GMDS: variants seen among roughly 807,000 people sequenced by gnomAD.
The protein encoded by GMDS is GDP-mannose 4,6 dehydratase.
A neutral mutation model predicts 49.9 loss-of-function variants in GMDS; 20 were observed. The observed-to-expected ratio is 0.40, with a 90% CI of 0.28 to 0.58. The LOEUF (loss-of-function observed/expected upper bound fraction) is 0.58, where lower values mean the gene tolerates loss of function less well. GMDS is among the 20% of genes least tolerant of loss of function. The pLI is 0.42. For synonymous variants in GMDS, 177 were observed against 178.6 expected (o/e 0.99, Z 0.07); for missense variants, 362 against 481.4 (o/e 0.75, Z 2.32).
intron 7 of GMDS, among the ~76,000 whole-genome samples, chr6:1,911,536 C>T (rs536001339): frequency 6.5e-4 from 98 of 150,960 alleles, no homozygotes; most frequent in Non-Finnish European, 1.2e-3. Context: ...TTTCCTTGTG[C>T]CTGTTCTTTC....
chr6:2,124,674 T>TTGAGTCACCCAC lies in GMDS; in HGVS notation c.147+1_147+12dup. 4.3e-6 allele frequency: 7 copies of TTGAGTCACCCAC among 1,610,838 alleles called. No homozygotes were observed. Among genetic ancestry groups the TTGAGTCACCCAC allele is most frequent in the Non-Finnish European group, 5.9e-6 (7 of 1,177,138 alleles). ...CCCACCAGCCTGCGCCCGCTTCCCA[T>TTGAGTCACCCAC]TGAGTCACCCACCTCATAGCCTTTC... On this transcript the variant is annotated intron_variant, in intron 2 of 10. Coordinates refer to ENST00000380815, the MANE Select transcript of GMDS (RefSeq NM_001500.4).
At chr6:1,688,807 T>TCCTCA (rs1765073008) in intron 9 of GMDS, among the ~76,000 whole-genome samples, 2 of 152,372 alleles carry the variant, frequency 1.3e-5, no homozygotes, top group Middle Eastern at 3.4e-3. Context: ...CTTTTCCAAT[T>TCCTCA]GACAGCATCT....
intron 7 of GMDS, among the ~76,000 whole-genome samples, chr6:1,767,003 G>C (rs1232675872): frequency 6.6e-6 from 1 of 152,116 alleles, no homozygotes; most frequent in Non-Finnish European, 1.5e-5. Flanking sequence ...ACAGCTGTAG[G>C]GCACACTGAA....
intron 7 of GMDS, among the ~76,000 whole-genome samples, chr6:1,746,005 G>A (rs1204215598): frequency 1.3e-5 from 2 of 152,172 alleles, no homozygotes; most frequent in East Asian, 1.9e-4. Flanking sequence ...GCAGCCATCC[G>A]CCTCCTTATA....
In GMDS at chr6:1,624,636, T is replaced by C. The variant is rs1762789411; in HGVS notation, c.988-96A>G. On this transcript the variant is annotated intron_variant, in intron 9 of 10. Transcript: ENST00000380815. Reference sequence around the variant, plus strand: ...GGAACTCCCACCGTTCCGCTCCCTCTGGGCGCACAAGGCTCCGGGTTTCCC... The same window carrying C: ...GGAACTCCCACCGTTCCGCTCCCTCCGGGCGCACAAGGCTCCGGGTTTCCC... The C allele has an allele frequency of 4.8e-6, 4 of 828,144 alleles. No homozygotes were observed. In the South Asian group the frequency reaches 6.0e-5, roughly 12 times the overall value. The allele number at this position is 828,144 out of a possible 1,614,324, so 51.3% of individuals were successfully genotyped here.
intron 1 of GMDS, among the ~76,000 whole-genome samples, chr6:2,205,138 G>A (rs942959369): frequency 1.3e-4 from 20 of 152,114 alleles, no homozygotes; most frequent in African/African-American, 4.3e-4. Flanking sequence ...TCCCAAAGGT[G>A]GATGTTAATA....
intron 7 of GMDS, among the ~76,000 whole-genome samples, chr6:1,794,463 T>C (rs534454089): frequency 8.5e-5 from 13 of 152,264 alleles, no homozygotes; most frequent in South Asian, 6.2e-4. Context: ...GGGTGTTTGG[T>C]TGGTGGTCGA....
At chr6:1,847,911 G>A (rs1169376467) in intron 7 of GMDS, among the ~76,000 whole-genome samples, 1 of 152,198 alleles carries the variant, frequency 6.6e-6, no homozygotes, top group South Asian at 2.1e-4. Context: ...AGCACTTTAG[G>A]AGAAGGAAAG....
At chr6:2,216,340 C>T (rs1361791062) in intron 1 of GMDS, among the ~76,000 whole-genome samples, 1 of 152,132 alleles carries the variant, frequency 6.6e-6, no homozygotes, top group African/African-American at 2.4e-5. Context: ...TCCATAATTC[C>T]TACATTATAA....
intron 1 of GMDS, among the ~76,000 whole-genome samples, chr6:2,209,643 A>G (rs1779977427): frequency 6.6e-6 from 1 of 151,954 alleles, no homozygotes; most frequent in Non-Finnish European, 1.5e-5. Context: ...GAATTCTAGA[A>G]AACTTCTGCT....
chr6:1,650,941 G>A (rs1289129113), intron 9 of GMDS, among the ~76,000 whole-genome samples: 1 of 152,158 alleles, frequency 6.6e-6, no homozygotes, highest in Non-Finnish European at 1.5e-5. Flanking sequence ...AAACAGTCTT[G>A]TTAGATTGAA....
In GMDS at chr6:1,834,279, T is replaced by C. The variant is rs190552315; in HGVS notation, c.772-91693A>G. 4.5e-3 allele frequency among the ~76,000 whole-genome samples: 680 copies of C among 152,234 alleles called. 18 individuals carry two copies. The highest frequency in any genetic ancestry group is 0.039 in the Admixed American group (599 of 15,298). ...ATTCCATTTAAAATGTTCTCAGTGG[T>C]GGGGGAAAAATGCTGGGCTATTTTA... is the stretch of plus-strand genomic sequence containing the variant. On this transcript the variant is annotated intron_variant, in intron 7 of 10. Coordinates refer to ENST00000380815, the MANE Select transcript of GMDS (RefSeq NM_001500.4).
intron 7 of GMDS, among the ~76,000 whole-genome samples, chr6:1,823,859 G>A (rs549807641): frequency 7.9e-5 from 12 of 152,120 alleles, no homozygotes; most frequent in African/African-American, 2.4e-4. Context: ...GTCATGGAAA[G>A]CTGTCCATGA....
chr6:1,954,722 T>C (rs1763537664), intron 6 of GMDS, among the ~76,000 whole-genome samples: 1 of 152,142 alleles, frequency 6.6e-6, no homozygotes, highest in African/African-American at 2.4e-5. Context: ...CATCTTCAGA[T>C]TCTACTTTTA....
At chr6:2,010,486 C>T (rs1360167673) in intron 4 of GMDS, among the ~76,000 whole-genome samples, 1 of 151,900 alleles carries the variant, frequency 6.6e-6, no homozygotes, top group African/African-American at 2.4e-5. Flanking sequence ...AAATGTTAAA[C>T]AGAATCTAAT....
chr6:2,156,172 TAA>T (rs1445789386), intron 1 of GMDS, among the ~76,000 whole-genome samples: 1 of 152,182 alleles, frequency 6.6e-6, no homozygotes, highest in African/African-American at 2.4e-5. Context: ...TAGAAAATTA[TAA>T]ATATATTATA....
chr6:2,097,832 T>C (rs1393301898), intron 4 of GMDS, among the ~76,000 whole-genome samples: 1 of 152,100 alleles, frequency 6.6e-6, no homozygotes, highest in Non-Finnish European at 1.5e-5. Flanking sequence ...GTTAGGATAG[T>C]GACAAACAAA....
chr6:2,047,376 G>T (rs1770085829), intron 4 of GMDS, among the ~76,000 whole-genome samples: 1 of 152,166 alleles, frequency 6.6e-6, no homozygotes, highest in Admixed American at 6.5e-5. Context: ...GTGACTACTG[G>T]GGTCACTGAG....
At chr6:1,813,640 C>G (rs1428550134) in intron 7 of GMDS, among the ~76,000 whole-genome samples, 1 of 152,180 alleles carries the variant, frequency 6.6e-6, no homozygotes, top group Non-Finnish European at 1.5e-5. Flanking sequence ...ATAAGAGCAT[C>G]TTTCCAAAGA....
Sources: gnomAD v4.1 joint callset for allele counts (sites outside exome capture counted in the v4.1 genomes callset) on GRCh38, gnomAD v4.1.1 for gene constraint, MANE v1.5 for transcripts, NCBI Gene and HGNC (gene_info 2026-07-23, HGNC 2026-07-21) for gene names.